SHISA6: variants seen among roughly 807,000 people sequenced by gnomAD.
SHISA6 encodes the protein protein shisa-6.
A neutral mutation model predicts 47.9 loss-of-function variants in SHISA6; 22 were observed. That is an observed-to-expected ratio of 0.46 (90% CI 0.33 to 0.66). The LOEUF (loss-of-function observed/expected upper bound fraction) is 0.66, where lower values mean the gene tolerates loss of function less well. Among genes scored for constraint, SHISA6 ranks in the 30% least tolerant of loss-of-function variants. The probability of loss-of-function intolerance (pLI) is 0.02; values close to 1 mark genes in which losing one functional copy is unlikely to be tolerated. For missense variants in SHISA6, 680 were observed against 764.6 expected, an observed-to-expected ratio of 0.89 and a Z score of 1.30; for synonymous variants, 388 against 337.8, an observed-to-expected ratio of 1.15 and a Z score of -1.63.
At chr17:11,349,130 G>C (rs1008685296) in intron 2 of SHISA6, among the ~76,000 whole-genome samples, 4 of 152,106 alleles carry the variant, frequency 2.6e-5, no homozygotes, top group African/African-American at 7.2e-5. Flanking sequence ...TCATTTATTT[G>C]TGCCTTGCAA....
rs868159755 is a variant in SHISA6 at position 11,247,908 on chromosome 17, A to G, written c.638+5848A>G. ...TCCTGCCTCAGCCTCCCAAGTAGCT[A>G]GGACTACAGGCGCCCGCCACCACAC... On this transcript the variant is annotated intron_variant, in intron 1 of 5. Coordinates refer to ENST00000441885, the MANE Select transcript of SHISA6 (RefSeq NM_207386.4). Among the ~76,000 whole-genome samples, 42 of 151,510 alleles carry G rather than the reference A, an allele frequency of 2.8e-4. 1 individual carries two copies. Among genetic ancestry groups the G allele is most frequent in the African/African-American group, 9.4e-4 (39 of 41,290 alleles).
intron 3 of SHISA6, among the ~76,000 whole-genome samples, chr17:11,530,477 G>A (rs1336885284): frequency 6.6e-6 from 1 of 152,068 alleles, no homozygotes; most frequent in Non-Finnish European, 1.5e-5. Context: ...TTTACTTTCT[G>A]GTTTTTCAAC....
chr17:11,394,679 T>C (rs1438217040), intron 3 of SHISA6, among the ~76,000 whole-genome samples: 1 of 152,184 alleles, frequency 6.6e-6, no homozygotes, highest in Non-Finnish European at 1.5e-5. Flanking sequence ...TTTATTTTTA[T>C]TGATTTTTTA....
At chr17:11,462,215 G>T (rs1167717666) in intron 3 of SHISA6, among the ~76,000 whole-genome samples, 1 of 152,208 alleles carries the variant, frequency 6.6e-6, no homozygotes, top group Non-Finnish European at 1.5e-5. Context: ...GGCAAAGTCA[G>T]TGTGAGACTG....
intron 1 of SHISA6, among the ~76,000 whole-genome samples, chr17:11,247,816 C>G (rs76815932): frequency 0.071 from 10,611 of 150,166 alleles, 410 homozygotes; most frequent in East Asian, 0.18. Flanking sequence ...GCTTGGTGGC[C>G]CAAGCTGGAG....
At chr17:11,451,897 G>A (rs1915412138) in intron 3 of SHISA6, among the ~76,000 whole-genome samples, 1 of 152,216 alleles carries the variant, frequency 6.6e-6, no homozygotes, top group Non-Finnish European at 1.5e-5. Context: ...ATCCTTAGAT[G>A]TGGCAGGTTG....
chr17:11,534,584 C>T (rs1018581044), intron 3 of SHISA6, among the ~76,000 whole-genome samples: 2 of 151,922 alleles, frequency 1.3e-5, no homozygotes, highest in African/African-American at 4.8e-5. Flanking sequence ...GTGGTAAGCA[C>T]CCCCAAGAAA....
chr17:11,367,028 C>A (rs1287845072), intron 2 of SHISA6, among the ~76,000 whole-genome samples: 1 of 152,124 alleles, frequency 6.6e-6, no homozygotes, highest in East Asian at 1.9e-4. Context: ...GAGAGATGGA[C>A]AGACAGACCT....
chr17:11,340,127 C>T (rs1054573867), intron 2 of SHISA6, among the ~76,000 whole-genome samples: 4 of 151,828 alleles, frequency 2.6e-5, no homozygotes, highest in Non-Finnish European at 4.4e-5. Context: ...TCTCAGTGAT[C>T]CTATAAATAT....
chr17:11,504,113 G>A lies in SHISA6; in HGVS notation c.896-47783G>A, dbSNP rs144531580. On this transcript the variant is annotated intron_variant, in intron 3 of 5. Transcript: ENST00000441885. Reference sequence around the variant, plus strand: ...AAATGACTTCTTGATGACCTTGGAAGGGTCCATGAGTCCTTTGGCCCTCTG... The same window carrying A: ...AAATGACTTCTTGATGACCTTGGAAAGGTCCATGAGTCCTTTGGCCCTCTG... 4.4e-4 allele frequency among the ~76,000 whole-genome samples: 67 copies of A among 152,288 alleles called. No homozygotes were observed. The East Asian group carries it at 8.7e-3, about 20-fold the overall frequency.
intron 2 of SHISA6, among the ~76,000 whole-genome samples, chr17:11,312,017 G>A (rs1400864158): frequency 6.6e-6 from 1 of 151,976 alleles, no homozygotes; most frequent in East Asian, 1.9e-4. Flanking sequence ...CTCATGATTC[G>A]CCTGCCTGGG....
intron 3 of SHISA6, among the ~76,000 whole-genome samples, chr17:11,474,763 G>C (rs1488244164): frequency 6.6e-6 from 1 of 152,102 alleles, no homozygotes; most frequent in Non-Finnish European, 1.5e-5. Context: ...AAGTCTTGAA[G>C]TTGGGTACTG....
intron 1 of SHISA6, among the ~76,000 whole-genome samples, chr17:11,256,565 C>CA: frequency 6.6e-6 from 1 of 152,260 alleles, no homozygotes; most frequent in African/African-American, 2.4e-5. Context: ...CCATTTGCAC[C>CA]TTGTACACAG....
chr17:11,354,261 G>T (rs915789343), intron 2 of SHISA6, among the ~76,000 whole-genome samples: 27 of 152,142 alleles, frequency 1.8e-4, no homozygotes, highest in African/African-American at 6.3e-4. Flanking sequence ...GGATTCAGTA[G>T]GCCCAGGGTG....
chr17:11,526,624 T>C (rs2142367485), intron 3 of SHISA6, among the ~76,000 whole-genome samples: 1 of 152,262 alleles, frequency 6.6e-6, no homozygotes, highest in Admixed American at 6.5e-5. Flanking sequence ...ATGGTTCATC[T>C]GGGGGTCTTT....
At chr17:11,544,931 A>T (rs966668773) in intron 3 of SHISA6, among the ~76,000 whole-genome samples, 28 of 148,030 alleles carry the variant, frequency 1.9e-4, no homozygotes, top group African/African-American at 7.2e-4. Flanking sequence ...ACTGCACTCC[A>T]GCCTGGGCAA....
chr17:11,360,010 T>C (rs1195902909), intron 2 of SHISA6, among the ~76,000 whole-genome samples: 1 of 152,156 alleles, frequency 6.6e-6, no homozygotes, highest in Non-Finnish European at 1.5e-5. Context: ...TAAAGACACA[T>C]GCACATGTAT....
rs191545803 is a variant in SHISA6, at chr17:11,300,649, T to C, written c.799+37123T>C. Among the ~76,000 whole-genome samples, 507 of 152,038 alleles carry C rather than the reference T, an allele frequency of 3.3e-3. 5 individuals are homozygous for C. The highest frequency in any genetic ancestry group is 0.011 in the African/African-American group (470 of 41,502). ...GGAGAGAATTCCCTTTTTGCCAGTT[T>C]AGGACTTTTTTTTCTTTTTCTTTTT... On this transcript the variant is annotated intron_variant, in intron 2 of 5. Transcript: ENST00000441885.
chr17:11,255,237 G>A (rs1907963270), intron 1 of SHISA6, among the ~76,000 whole-genome samples: 1 of 152,142 alleles, frequency 6.6e-6, no homozygotes, highest in Non-Finnish European at 1.5e-5. Flanking sequence ...TGTGTACCCT[G>A]CCCTTCTGAT....
Sources: allele counts gnomAD v4.1 joint callset (sites outside exome capture counted in the v4.1 genomes callset), GRCh38; gene constraint gnomAD v4.1.1; transcripts MANE v1.5; gene names NCBI Gene and HGNC (gene_info 2026-07-23, HGNC 2026-07-21).